SRSF11: variants seen among roughly 807,000 people sequenced by gnomAD.
The protein encoded by SRSF11 is serine/arginine-rich splicing factor 11.
A neutral mutation model predicts 56.0 loss-of-function variants in SRSF11; 9 were observed. The observed-to-expected ratio is 0.16, with a 90% CI of 0.10 to 0.28. SRSF11 has a LOEUF of 0.28. Ranked by LOEUF, SRSF11 falls within the 10% of genes least tolerant of loss-of-function variation. The pLI is 1.00. For synonymous variants in SRSF11, 222 were observed against 215.3 expected (o/e 1.03, Z -0.27); for missense variants, 421 against 600.7 (o/e 0.70, Z 3.13).
Position 70,228,494 on chromosome 1 carries a change from A to G in SRSF11, c.276A>G (p.Ala92=), listed in dbSNP as rs1268700804. Residue 92 remains alanine (A), a synonymous_variant, in exon 2 of 12, where the codon GCA becomes GCG. Transcript: ENST00000370949. ...ATGATCCAGACTCAGCAGTTGTGGC[A>G]CAGCATCTGACAAACACTGTATTCG... ...KFHDPDSAVV[A]QHLTNTVFVD... is the part of the protein sequence containing the mutation. The G allele has an allele frequency of 1.9e-6, 3 of 1,613,758 alleles. No individual in the cohort carries two copies. The highest frequency in any genetic ancestry group is 2.7e-5 in the African/African-American group (2 of 74,900).
At chr1:70,231,281 T>C (rs907760162) in intron 2 of SRSF11, 12 of 1,176,330 alleles carry the variant, frequency 1.0e-5, no homozygotes, top group Middle Eastern at 2.4e-4. Flanking sequence ...TGTAGTTTAA[T>C]TGTATTATTG....
chr1:70,224,729 A>G (rs1012096185), intron 1 of SRSF11, among the ~76,000 whole-genome samples: 1 of 152,224 alleles, frequency 6.6e-6, no homozygotes, highest in Non-Finnish European at 1.5e-5. Context: ...TAGAAATACT[A>G]TCTTTACAAT....
chr1:70,232,890 G>A (rs1223956074), intron 3 of SRSF11, among the ~76,000 whole-genome samples: 3 of 152,190 alleles, frequency 2.0e-5, no homozygotes, highest in Non-Finnish European at 4.4e-5. Flanking sequence ...TGACAGTGCT[G>A]TACGAAGCTT....
At chr1:70,241,589 C>G (rs1325626297) in intron 7 of SRSF11, among the ~76,000 whole-genome samples, 1 of 152,162 alleles carries the variant, frequency 6.6e-6, no homozygotes, top group Non-Finnish European at 1.5e-5. Context: ...TCTGGTTTAT[C>G]TTTTTACACG....
rs971549080 is a variant in SRSF11, at chr1:70,252,590, A to T, written c.*1785A>T. ...CTTTTTAAAGATTTTATCAAAAAGAATTGTCTATAGTGAGTAAAAGAAGTT... is the reference window on the plus strand; with the variant it reads ...CTTTTTAAAGATTTTATCAAAAAGATTTGTCTATAGTGAGTAAAAGAAGTT... On this transcript the variant is annotated 3_prime_UTR_variant, in exon 12 of 12. Transcript: ENST00000370949. 1 of 152,184 alleles carries T rather than the reference A, an allele frequency of 6.6e-6. No homozygotes were observed. Among genetic ancestry groups the T allele is most frequent in the Non-Finnish European group, 1.5e-5 (1 of 68,022 alleles). The allele number at this position is 152,184 out of a possible 1,614,324, so 9.4% of individuals were successfully genotyped here.
intron 7 of SRSF11, among the ~76,000 whole-genome samples, chr1:70,244,174 A>G (rs1291076174): frequency 2.0e-5 from 3 of 152,256 alleles, no homozygotes; most frequent in African/African-American, 7.2e-5. Context: ...CAACACAATA[A>G]GTAGTTTCTC....
At chr1:70,213,014 C>T (rs1669704196) in intron 1 of SRSF11, among the ~76,000 whole-genome samples, 1 of 152,044 alleles carries the variant, frequency 6.6e-6, no homozygotes, top group Admixed American at 6.5e-5. Flanking sequence ...GCTGTGAACT[C>T]TGCACTTCAG....
chr1:70,249,917 A>G, intron 9 of SRSF11, 35 bp from the exon 10 acceptor site: 4 of 1,603,250 alleles, frequency 2.5e-6, no homozygotes, highest in African/African-American at 1.3e-5. Flanking sequence ...ATCACACTGT[A>G]TTTTAAAACC....
At chr1:70,223,111 C>T (rs1459545560) in intron 1 of SRSF11, among the ~76,000 whole-genome samples, 1 of 152,080 alleles carries the variant, frequency 6.6e-6, no homozygotes, top group Non-Finnish European at 1.5e-5. Flanking sequence ...AAAATAGATG[C>T]TTTGCTGTTG....
intron 1 of SRSF11, among the ~76,000 whole-genome samples, chr1:70,207,110 T>G (rs1450157906): frequency 6.6e-6 from 1 of 152,028 alleles, no homozygotes; most frequent in Non-Finnish European, 1.5e-5. Flanking sequence ...CAGGCTGGTC[T>G]CGAACTCCCA....
intron 1 of SRSF11, among the ~76,000 whole-genome samples, chr1:70,224,311 C>T (rs1392198459): frequency 2.6e-5 from 4 of 152,130 alleles, no homozygotes; most frequent in Non-Finnish European, 4.4e-5. Flanking sequence ...TTCCCCTAGA[C>T]ATATCTGTGA....
chr1:70,209,234 G>A (rs1203129537), intron 1 of SRSF11, among the ~76,000 whole-genome samples: 1 of 152,154 alleles, frequency 6.6e-6, no homozygotes, highest in Non-Finnish European at 1.5e-5. Flanking sequence ...TAGATGAAAG[G>A]TACAATTGAT....
chr1:70,240,916 G>A (rs1453638391), intron 7 of SRSF11, among the ~76,000 whole-genome samples: 1 of 152,106 alleles, frequency 6.6e-6, no homozygotes, highest in East Asian at 1.9e-4. Flanking sequence ...GGGATTACAG[G>A]TGTGTGCCAC....
chr1:70,244,720 T>C lies in SRSF11; in HGVS notation c.837T>C (p.Ser279=). 6.2e-7 allele frequency: 1 copy of C among 1,614,178 alleles called. No individual in the cohort carries two copies. The highest frequency in any genetic ancestry group is 8.5e-7 in the Non-Finnish European group (1 of 1,180,030). Residue 279 remains serine, a synonymous_variant, in exon 8 of 12, where the codon TCT becomes TCC. Transcript: ENST00000370949. ...GCAGATCGAGACGGCGGTCACATTC[T>C]AAGTCTAGGAGTCGGCGACGATCCA... ...SRSRSRRRSH[S]KSRSRRRSKS...
intron 5 of SRSF11, among the ~76,000 whole-genome samples, chr1:70,236,095 AGT>A (rs1235579062): frequency 6.6e-6 from 1 of 152,042 alleles, no homozygotes; most frequent in African/African-American, 2.4e-5. Context: ...ACTATCAGTA[AGT>A]GAGAGAGCAT....
intron 1 of SRSF11, among the ~76,000 whole-genome samples, chr1:70,209,224 T>C (rs1558138639): frequency 6.6e-6 from 1 of 152,140 alleles, no homozygotes; most frequent in Non-Finnish European, 1.5e-5. Context: ...TATTAAGACA[T>C]AGATGAAAGG....
At chr1:70,229,659 G>A in intron 2 of SRSF11, 1 of 985,024 alleles carries the variant, frequency 1.0e-6, no homozygotes, top group Non-Finnish European at 1.2e-6. Context: ...AGTGGAAGTG[G>A]AATCTTAATA....
rs1677983424 is a variant in SRSF11, at chr1:70,251,746, A to G, written c.*941A>G. ...CTTCATACGCTTTTAAAATAAGACA[A>G]ATCTACTTGATAATGTACCTTTATT... On this transcript the variant is annotated 3_prime_UTR_variant, in exon 12 of 12. Coordinates refer to ENST00000370949, the MANE Select transcript of SRSF11 (RefSeq NM_001350605.2). The G allele has an allele frequency of 6.6e-6, 1 of 152,624 alleles. No individual in the cohort carries two copies. The highest frequency in any genetic ancestry group is 6.5e-5 in the Admixed American group (1 of 15,286). The allele number at this position is 152,624 out of a possible 1,614,324, so 9.5% of individuals were successfully genotyped here. A position where few individuals can be genotyped will look rare whatever the true frequency, so the allele number is the denominator to read the frequency against.
At chr1:70,232,069 A>G (rs1672935827) in intron 2 of SRSF11, 199 bp from the exon 3 acceptor site, 1 of 1,532,862 alleles carries the variant, frequency 6.5e-7, no homozygotes, top group South Asian at 1.2e-5. Flanking sequence ...AGAAAAAGGA[A>G]ACAAATTTTC....
Sources: allele counts gnomAD v4.1 joint callset (sites outside exome capture counted in the v4.1 genomes callset), GRCh38; gene constraint gnomAD v4.1.1; transcripts MANE v1.5; gene names NCBI Gene and HGNC (gene_info 2026-07-23, HGNC 2026-07-21).